Variants in SYTL2 observed in about 807,000 individuals in gnomAD.
SYTL2 encodes synaptotagmin-like protein 2.
Under a neutral mutation model 198.7 loss-of-function variants are expected in SYTL2, and 165 were observed. That is an observed-to-expected ratio of 0.83 (90% CI 0.73 to 0.94). SYTL2 has a LOEUF of 0.94. Among genes scored for constraint, SYTL2 ranks in the 40% least tolerant of loss-of-function variants. SYTL2 has a pLI of 0.00. For synonymous variants in SYTL2, 966 were observed against 917.7 expected (o/e 1.05, Z -0.95); for missense variants, 2,835 against 2,582.8 (o/e 1.10, Z -2.12).
chr11:85,763,502 C>T (rs1336914844), intron 1 of SYTL2, among the ~76,000 whole-genome samples: 1 of 152,136 alleles, frequency 6.6e-6, no homozygotes, highest in Non-Finnish European at 1.5e-5. Flanking sequence ...TAATTAACAA[C>T]CAAATTTCCT....
chr11:85,840,622 TG>T, the SYTL2 span, among the ~76,000 whole-genome samples: 1 of 152,058 alleles, frequency 6.6e-6, no homozygotes, highest in Admixed American at 6.6e-5. Context: ...TAACCAACAA[TG>T]GGGAAAAACT....
At chr11:85,783,819 G>A (rs1334445002) in intron 1 of SYTL2, among the ~76,000 whole-genome samples, 1 of 152,202 alleles carries the variant, frequency 6.6e-6, no homozygotes, top group East Asian at 1.9e-4. Flanking sequence ...GGACAGAAGT[G>A]TCACAAAGCA....
rs748466413 is a variant in SYTL2, at chr11:85,727,239, T to C, written c.2119A>G (p.Arg707Gly). The C allele has an allele frequency of 3.3e-6, 5 of 1,535,938 alleles. No homozygotes were observed. In the South Asian group the frequency reaches 4.8e-5, roughly 15 times the overall value. Residue 707 changes from arginine to glycine, a missense_variant, in exon 8 of 20, where the codon AGA (arginine) becomes GGA (glycine). Arg to Gly is a moderately radical substitution (Grantham distance 125). Coordinates refer to ENST00000359152, the MANE Select transcript of SYTL2 (RefSeq NM_206927.4). ...TCAAAATTCACTTCTGAGTGTCCTC[T>C]ATTTTCTTCATGAGCATGAAACTTG... ...EPKFHAHEEN[R>G]GHSEVNFDSS... is the part of the protein sequence containing the mutation.
chr11:85,727,689 C>A lies in SYTL2; in HGVS notation c.1669G>T (p.Val557Phe). 1 of 1,542,690 alleles carries A rather than the reference C, an allele frequency of 6.5e-7. No individual in the cohort carries two copies. ...TCATCTGTCACCAAGTCAACAGCAA[C>A]CTGTGATTTTGAGTCTGTTTTTTCT... ...SKEKTDSKSQ[V>F]AVDLVTDDTT... Residue 557 changes from valine to phenylalanine, a missense_variant, in exon 8 of 20, where the codon GTT becomes TTT. Val to Phe is a conservative substitution (Grantham distance 50, BLOSUM62 -1). This residue lies in a region of SYTL2 where 2,645 missense variants were observed against 2,381.7 expected (regional missense o/e 1.11). Transcript: ENST00000359152.
At chr11:85,782,460 G>C (rs1316854619) in intron 1 of SYTL2, among the ~76,000 whole-genome samples, 1 of 152,180 alleles carries the variant, frequency 6.6e-6, no homozygotes, top group African/African-American at 2.4e-5. Context: ...CCATTGTCTT[G>C]CTGATTAACA....
chr11:85,717,485 C>G lies in SYTL2; in HGVS notation c.5528G>C (p.Arg1843Thr), dbSNP rs141476900. 4 of 1,612,942 alleles carry G rather than the reference C, an allele frequency of 2.5e-6. No homozygotes were observed. The highest frequency in any genetic ancestry group is 4.5e-5 in the East Asian group (2 of 44,816). ...GTGAGAAAGATCCTGCTACTCACTT[C>G]TTGGTACGCATTCATTTGTAACTGG... is the stretch of plus-strand genomic sequence containing the variant. ...QKPVTNECVP[R>T]ISTVPTQPDN... Residue 1843 changes from arginine (R) to threonine (T), a missense_variant and splice_region_variant, in exon 11 of 20, where the codon AGA becomes ACA. Around this residue, in one of 3 missense-constraint regions of SYTL2, gnomAD observed 2,645 missense variants for 2,381.7 expected, o/e 1.11. Transcript: ENST00000359152.
chr11:85,842,593 A>T, the SYTL2 span, among the ~76,000 whole-genome samples: 1 of 152,088 alleles, frequency 6.6e-6, no homozygotes, highest in Admixed American at 6.5e-5. Context: ...CTCCCTAATA[A>T]ACTACTTGCA....
intron 1 of SYTL2, among the ~76,000 whole-genome samples, chr11:85,764,947 T>C (rs769247416): frequency 2.0e-5 from 3 of 152,234 alleles, no homozygotes; most frequent in Non-Finnish European, 2.9e-5. Flanking sequence ...AATGTGTTTA[T>C]ACGAAAAGCA....
Position 85,798,838 on chromosome 11 carries a change from CA to C in SYTL2, c.-390+12115del, listed in dbSNP as rs149075936. Reference sequence around the variant, plus strand: ...AGGCACCCCTTCCCTGGCATGTACCCAAATTCCAGACTCCCAGAAGAAAAGC... The same window carrying C: ...AGGCACCCCTTCCCTGGCATGTACCCAATTCCAGACTCCCAGAAGAAAAGC... On this transcript the variant is annotated intron_variant, in intron 1 of 19. Transcript: ENST00000359152. 2.3e-3 allele frequency among the ~76,000 whole-genome samples: 354 copies of C among 152,260 alleles called. 1 individual carries two copies. The highest frequency in any genetic ancestry group is 8.2e-3 in the African/African-American group (341 of 41,544).
chr11:85,853,922 G>A, the SYTL2 span: 40 of 152,160 alleles, frequency 2.6e-4, no homozygotes, highest in African/African-American at 8.5e-4. Flanking sequence ...TCGGCTCACT[G>A]AGATCTCAGC....
Position 85,748,298 on chromosome 11 carries a change from A to C in SYTL2, c.227T>G (p.Met76Arg), listed in dbSNP as rs757174726. Residue 76 changes from methionine to arginine, a missense_variant, in exon 3 of 20, where the codon ATG becomes AGG. Met to Arg is a moderately conservative substitution (Grantham distance 91). Coordinates refer to ENST00000359152, the MANE Select transcript of SYTL2 (RefSeq NM_206927.4). The stretch of plus-strand genomic sequence containing the variant: ...TGCTATCTGGGGCCTCTTCTTTCTC[A>C]TAGATGCTCTGATGATATCTGCGCC... ...IHGADIIRASMRKKRPQIAAE... is the reference protein window; with the variant it reads ...IHGADIIRASRRKKRPQIAAE... 6.2e-7 allele frequency: 1 copy of C among 1,613,736 alleles called. No homozygotes were observed. Among genetic ancestry groups the C allele is most frequent in the Non-Finnish European group, 8.5e-7 (1 of 1,179,726 alleles).
At chr11:85,759,374 C>T (rs2092023228) in intron 1 of SYTL2, among the ~76,000 whole-genome samples, 1 of 152,004 alleles carries the variant, frequency 6.6e-6, no homozygotes, top group South Asian at 2.1e-4. Flanking sequence ...GGGAAGTTAT[C>T]CTTCTACCAC....
At position 85,724,325 on chromosome 11, in the gene SYTL2, G is replaced by C. The variant is rs769352570; in HGVS notation, c.5033C>G (p.Thr1678Ser). The change falls in exon 8 of 20, where the codon ACT (threonine) becomes AGT (serine). Residue 1678 changes from threonine (T) to serine (S), a missense_variant. Coordinates refer to ENST00000359152, the MANE Select transcript of SYTL2 (RefSeq NM_206927.4). The part of the protein sequence containing the change: ...YVAHEIGTIK[T>S]VTPPEDRDSE... ...GTCCCTGTCCTCTGGGGGGGTTACA[G>C]TTTTAATGGTCCCTATTTCATGAGC... is the stretch of plus-strand genomic sequence containing the variant. 24 of 1,581,692 alleles carry C rather than the reference G, an allele frequency of 1.5e-5. No individual in the cohort carries two copies. The highest frequency in any genetic ancestry group is 1.9e-5 in the Non-Finnish European group (22 of 1,166,796).
intron 17 of SYTL2, among the ~76,000 whole-genome samples, chr11:85,699,865 G>T (rs1450082594): frequency 6.6e-6 from 1 of 152,178 alleles, no homozygotes. Context: ...AATCTTGAGG[G>T]AAAAGCTTTA....
intron 9 of SYTL2, among the ~76,000 whole-genome samples, chr11:85,720,296 C>T (rs761631888): frequency 2.0e-5 from 3 of 152,188 alleles, no homozygotes; most frequent in South Asian, 2.1e-4. Flanking sequence ...GGACATCCAA[C>T]GCTGTCATAT....
At chr11:85,706,995 C>A (rs185621294) in intron 15 of SYTL2, among the ~76,000 whole-genome samples, 22 of 152,200 alleles carry the variant, frequency 1.4e-4, no homozygotes, top group Admixed American at 9.2e-4. Flanking sequence ...TGCCTGCCAC[C>A]ATGCTGGCTC....
chr11:85,767,205 G>A (rs1181044173), intron 1 of SYTL2, among the ~76,000 whole-genome samples: 2 of 152,228 alleles, frequency 1.3e-5, no homozygotes, highest in African/African-American at 4.8e-5. Flanking sequence ...TGAGGAATCT[G>A]TGATGAAAAA....
chr11:85,853,561 A>G, the SYTL2 span: 1 of 173,284 alleles, frequency 5.8e-6, no homozygotes, highest in Non-Finnish European at 1.2e-5. Context: ...AAAACCAGAG[A>G]CCTTTGTTCA....
chr11:85,769,657 T>C (rs146352821), intron 1 of SYTL2, among the ~76,000 whole-genome samples: 2 of 152,308 alleles, frequency 1.3e-5, no homozygotes, highest in African/African-American at 4.8e-5. Context: ...CATCTGTGAG[T>C]TGTGCCAAAC....
Sources: allele counts gnomAD v4.1 joint callset (sites outside exome capture counted in the v4.1 genomes callset), GRCh38; gene constraint gnomAD v4.1.1; regional missense constraint gnomAD v4.1.1; transcripts MANE v1.5; gene names NCBI Gene and HGNC (gene_info 2026-07-23, HGNC 2026-07-21).